The following ARHGEF39 variants were observed in gnomAD, a reference collection of about 807,000 sequenced individuals.
ARHGEF39 encodes the protein Rho guanine nucleotide exchange factor (GEF) 39.
In ARHGEF39, 45 loss-of-function variants were observed where a neutral mutation model predicts 47.5. That is an observed-to-expected ratio of 0.95 (90% CI 0.75 to 1.22). The LOEUF (loss-of-function observed/expected upper bound fraction) is 1.22. Among genes scored for constraint, ARHGEF39 ranks in the 50% most tolerant of loss-of-function variants. The probability of loss-of-function intolerance (pLI) is 0.00; values close to 1 mark genes in which losing one functional copy is unlikely to be tolerated. For missense variants in ARHGEF39, 411 were observed against 425.3 expected, an observed-to-expected ratio of 0.97 and a Z score of 0.30; for synonymous variants, 164 against 167.8, an observed-to-expected ratio of 0.98 and a Z score of 0.17.
At position 35,664,104 on chromosome 9, in the gene ARHGEF39, C is replaced by A. The variant is rs1824112992; in HGVS notation, c.377G>T (p.Gly126Val). 1.9e-6 allele frequency: 3 copies of A among 1,613,950 alleles called. No homozygotes were observed. The highest frequency in any genetic ancestry group is 2.2e-5 in the East Asian group (1 of 44,900). ...CTGAAGCCGTACAAACCTCCGGAAA[C>A]CTTTATTTTTCTTTAGCTGCTCCTG... Reference protein sequence around the residue: ...TLQEQLKKNKGFRRFVRLQEG... With the variant: ...TLQEQLKKNKVFRRFVRLQEG... Residue 126 changes from glycine to valine, a missense_variant, in exon 4 of 9, where the codon GGT becomes GTT. Transcript: ENST00000378387.
Position 35,661,702 on chromosome 9 carries a change from G to T in ARHGEF39, c.*285C>A, listed in dbSNP as rs1257282968. The stretch of plus-strand genomic sequence containing the variant: ...TTATTTTTTCTTAAATAGAGACAGG[G>T]TCTCACTCACTGTGTTGCCCAGGCT... On this transcript the variant is annotated 3_prime_UTR_variant, in exon 9 of 9. Transcript: ENST00000378387. 4.6e-6 allele frequency: 2 copies of T among 430,496 alleles called. No homozygotes were observed. 26.7% of individuals were successfully genotyped at this position (430,496 alleles called of 1,614,324 possible).
At position 35,661,698 on chromosome 9, in the gene ARHGEF39, C is replaced by T. The variant is rs183825465; in HGVS notation, c.*289G>A. ...TTAATTATTTTTTCTTAAATAGAGACAGGGTCTCACTCACTGTGTTGCCCA... is the reference window on the plus strand; with the variant it reads ...TTAATTATTTTTTCTTAAATAGAGATAGGGTCTCACTCACTGTGTTGCCCA... On this transcript the variant is annotated 3_prime_UTR_variant, in exon 9 of 9. Coordinates refer to ENST00000378387, the MANE Select transcript of ARHGEF39 (RefSeq NM_032818.3). 2.4e-6 allele frequency: 1 copy of T among 421,434 alleles called. No individual in the cohort carries two copies. Among genetic ancestry groups the T allele is most frequent in the Non-Finnish European group, 4.2e-6 (1 of 239,236 alleles). The allele number at this position is 421,434 out of a possible 1,614,324, so 26.1% of individuals were successfully genotyped here. A position where few individuals can be genotyped will look rare whatever the true frequency, so the allele number is the denominator to read the frequency against.
chr9:35,664,253 G>T, intron 3 of ARHGEF39, 119 bp downstream of exon 3: 1 of 1,518,920 alleles, frequency 6.6e-7, no homozygotes, highest in East Asian at 2.3e-5. Flanking sequence ...TCTCTACAAG[G>T]AACTTACCAC....
At chr9:35,662,308 C>A in intron 7 of ARHGEF39, 41 bp from the exon 8 acceptor site, 2 of 1,585,134 alleles carry the variant, frequency 1.3e-6, no homozygotes, top group Non-Finnish European at 1.7e-6. Flanking sequence ...TCAGAAAGGT[C>A]CAGGCTAAAG....
In ARHGEF39 at chr9:35,660,952, C is replaced by G. The variant is rs1369903344; in HGVS notation, c.*1035G>C. 12 of 1,614,074 alleles carry G rather than the reference C, an allele frequency of 7.4e-6. No homozygotes were observed. The highest frequency in any genetic ancestry group is 1.0e-5 in the Non-Finnish European group (12 of 1,180,048). On this transcript the variant is annotated 3_prime_UTR_variant, in exon 9 of 9. Coordinates refer to ENST00000378387, the MANE Select transcript of ARHGEF39 (RefSeq NM_032818.3). ...TCTCCCCACACAGAGGCCAGCAGAC[C>G]TCTTCCTGAGGACTTCTGTTTAAAG...
intron 4 of ARHGEF39, 51 bp from the exon 5 acceptor site, chr9:35,663,443 C>T (rs1824080919): frequency 6.7e-7 from 1 of 1,501,506 alleles, no homozygotes; most frequent in Non-Finnish European, 9.2e-7. Flanking sequence ...AGGCAGAATT[C>T]CCCCTGCCTG....
In ARHGEF39 at chr9:35,662,512, A is replaced by G. The variant is rs766442720; in HGVS notation, c.903T>C (p.Ser301=). The change falls in exon 7 of 9, where the codon AGT becomes AGC. Residue 301 remains serine, a splice_region_variant and synonymous_variant. Transcript: ENST00000378387. The part of the protein sequence containing the change: ...HSGGPCGGLL[S]LSFPHEKLLL... Reference sequence around the variant, plus strand: ...TCTAGGGTTCCCACCTATTACTTACACTGAGCAACCCACCACAAGGGCCTC... The same window carrying G: ...TCTAGGGTTCCCACCTATTACTTACGCTGAGCAACCCACCACAAGGGCCTC... The G allele has an allele frequency of 1.9e-6, 3 of 1,611,972 alleles. No individual in the cohort carries two copies. The South Asian group carries it at 3.3e-5, about 18-fold the overall frequency.
chr9:35,662,282 C>G lies in ARHGEF39; in HGVS notation c.904-15G>C. 6.2e-7 allele frequency: 1 copy of G among 1,608,224 alleles called. No homozygotes were observed. Among genetic ancestry groups the G allele is most frequent in the East Asian group, 2.2e-5 (1 of 44,844 alleles). Reference sequence around the variant, plus strand: ...GGGAAGGACAGCTAGAGAGAGACCACCTCTTAGCGCATGGCTCAGAAAGGT... The same window carrying G: ...GGGAAGGACAGCTAGAGAGAGACCAGCTCTTAGCGCATGGCTCAGAAAGGT... On this transcript the variant is annotated splice_polypyrimidine_tract_variant and intron_variant, in intron 7 of 8. Transcript: ENST00000378387.
At position 35,660,816 on chromosome 9, in the gene ARHGEF39, C is replaced by T. The variant is rs374363949; in HGVS notation, c.*1171G>A. On this transcript the variant is annotated 3_prime_UTR_variant, in exon 9 of 9. Coordinates refer to ENST00000378387, the MANE Select transcript of ARHGEF39 (RefSeq NM_032818.3). ...GCTATGGACCATCCACGAGCTGCTG[C>T]AAGATAGCAAGCCGGACAAGGATAT... The T allele has an allele frequency of 1.8e-5, 29 of 1,614,146 alleles. No homozygotes were observed. Among genetic ancestry groups the T allele is most frequent in the Admixed American group, 3.3e-5 (2 of 60,016 alleles).
Position 35,661,959 on chromosome 9 carries a change from C to T in ARHGEF39, c.*28G>A. 1.2e-6 allele frequency: 2 copies of T among 1,611,672 alleles called. No individual in the cohort carries two copies. Among genetic ancestry groups the T allele is most frequent in the Non-Finnish European group, 1.7e-6 (2 of 1,178,574 alleles). On this transcript the variant is annotated 3_prime_UTR_variant, in exon 9 of 9. Coordinates refer to ENST00000378387, the MANE Select transcript of ARHGEF39 (RefSeq NM_032818.3). Reference sequence around the variant, plus strand: ...TGGCTGTGACCTATCCCTGAGGTATCCTGAGTTCTGGAATCTATAAGATTC... The same window carrying T: ...TGGCTGTGACCTATCCCTGAGGTATTCTGAGTTCTGGAATCTATAAGATTC...
rs770015477 is a variant in ARHGEF39 at position 35,665,175 on chromosome 9, G to C, written c.-6C>G. 6.1e-6 allele frequency: 9 copies of C among 1,475,994 alleles called. No homozygotes were observed. Among genetic ancestry groups the C allele is most frequent in the Non-Finnish European group, 8.1e-6 (9 of 1,109,670 alleles). 91.4% of individuals were successfully genotyped at this position (1,475,994 alleles called of 1,614,324 possible). ...CCGGGGCAGGAGAGCTCCATGCCCTGGCTGAGGGATCGACACTTCCGGCTG... is the reference window on the plus strand; with the variant it reads ...CCGGGGCAGGAGAGCTCCATGCCCTCGCTGAGGGATCGACACTTCCGGCTG... On this transcript the variant is annotated 5_prime_UTR_variant, in exon 1 of 9. Transcript: ENST00000378387.
At chr9:35,662,487 T>G (rs745349186) in intron 7 of ARHGEF39, 25 bp downstream of exon 7, 1 of 1,597,010 alleles carries the variant, frequency 6.3e-7, no homozygotes, top group Non-Finnish European at 8.5e-7. Flanking sequence ...ATATTTTGGG[T>G]CTAGGGTTCC....
At chr9:35,664,988 T>C in intron 1 of ARHGEF39, 44 bp downstream of exon 1, 1 of 1,514,764 alleles carries the variant, frequency 6.6e-7, no homozygotes, top group Non-Finnish European at 8.8e-7. Flanking sequence ...TCCCACACCC[T>C]GGGGTCCCTG....
Position 35,661,081 on chromosome 9 carries a change from T to A in ARHGEF39, c.*906A>T. On this transcript the variant is annotated 3_prime_UTR_variant, in exon 9 of 9. Transcript: ENST00000378387. ...ACTTCCTGGGAGGTGGGGCGGGGAC[T>A]ACGGAGAAGGTGCAGCCAGGCTGTG... 1 of 1,614,096 alleles carries A rather than the reference T, an allele frequency of 6.2e-7. No individual in the cohort carries two copies. The highest frequency in any genetic ancestry group is 8.5e-7 in the Non-Finnish European group (1 of 1,180,010).
Position 35,661,390 on chromosome 9 carries a change from C to A in ARHGEF39, c.*597G>T. On this transcript the variant is annotated 3_prime_UTR_variant, in exon 9 of 9. Coordinates refer to ENST00000378387, the MANE Select transcript of ARHGEF39 (RefSeq NM_032818.3). ...GCCACCAGCATGCCCGCGTTCAGGG[C>A]CCAAAAATCCCTTTTCTCATAGCAA... is the stretch of plus-strand genomic sequence containing the variant. The A allele has an allele frequency of 2.2e-6, 1 of 460,868 alleles. No homozygotes were observed. Among genetic ancestry groups the A allele is most frequent in the East Asian group, 3.3e-5 (1 of 30,426 alleles). The allele number at this position is 460,868 out of a possible 1,614,324, so 28.5% of individuals were successfully genotyped here.
chr9:35,662,942 C>CACCACCTCATT lies in ARHGEF39; in HGVS notation c.673+3_673+4insAATGAGGTGGT. 1.2e-6 allele frequency: 2 copies of CACCACCTCATT among 1,607,068 alleles called. No homozygotes were observed. Among genetic ancestry groups the CACCACCTCATT allele is most frequent in the Non-Finnish European group, 1.7e-6 (2 of 1,174,052 alleles). ...GAGGATTGAAGGGGAAGTAGGCAAG[C>CACCACCTCATT]TACCTGAGGTCAGCCCCTTTGCCTG... is the stretch of plus-strand genomic sequence containing the variant. On this transcript the variant is annotated splice_donor_region_variant and intron_variant, in intron 6 of 8. Coordinates refer to ENST00000378387, the MANE Select transcript of ARHGEF39 (RefSeq NM_032818.3).
Position 35,661,098 on chromosome 9 carries a change from C to T in ARHGEF39, c.*889G>A. ...GCGGGGACTACGGAGAAGGTGCAGC[C>T]AGGCTGTGGCAAAGGGCCCCAGTCA... On this transcript the variant is annotated 3_prime_UTR_variant, in exon 9 of 9. Transcript: ENST00000378387. The T allele has an allele frequency of 6.2e-7, 1 of 1,614,116 alleles. No homozygotes were observed. The highest frequency in any genetic ancestry group is 1.1e-5 in the South Asian group (1 of 91,074).
rs1327614552 is a variant in ARHGEF39 at position 35,659,467 on chromosome 9, G to A, written c.*2520C>T. On this transcript the variant is annotated 3_prime_UTR_variant, in exon 9 of 9. Coordinates refer to ENST00000378387, the MANE Select transcript of ARHGEF39 (RefSeq NM_032818.3). ...AGGAGGTCTTATGAAAGAGAGTTAG[G>A]CATTCCAGTTGACTGAGTTCACTGT... 1 of 152,192 alleles carries A rather than the reference G, an allele frequency of 6.6e-6. No individual in the cohort carries two copies. The highest frequency in any genetic ancestry group is 1.5e-5 in the Non-Finnish European group (1 of 68,052). 9.4% of individuals were successfully genotyped at this position (152,192 alleles called of 1,614,324 possible).
In ARHGEF39 at chr9:35,664,068, G is replaced by A; in HGVS notation, c.413C>T (p.Pro138Leu). 1 of 1,614,124 alleles carries A rather than the reference G, an allele frequency of 6.2e-7. No individual in the cohort carries two copies. The highest frequency in any genetic ancestry group is 8.5e-7 in the Non-Finnish European group (1 of 1,179,986). The stretch of plus-strand genomic sequence containing the variant: ...CTGGAGCTGAAGGCCCCCAAACTCA[G>A]GGCGGCCTTCCTGAAGCCGTACAAA... Reference protein sequence around the residue: ...RRFVRLQEGRPEFGGLQLQDL... With the variant: ...RRFVRLQEGRLEFGGLQLQDL... The change falls in exon 4 of 9, where the codon CCT becomes CTT. Residue 138 changes from proline to leucine, a missense_variant. By Grantham distance (98) the Pro-to-Leu change is moderately conservative (BLOSUM62 -3). Transcript: ENST00000378387.
Sources: allele counts gnomAD v4.1 joint callset, GRCh38; gene constraint gnomAD v4.1.1; transcripts MANE v1.5; gene names NCBI Gene and HGNC (gene_info 2026-07-23, HGNC 2026-07-21).